Variants in ZMAT4 observed in about 807,000 individuals in gnomAD.
ZMAT4 encodes zinc finger matrin-type 4.
In ZMAT4, 17 loss-of-function variants were observed where a neutral mutation model predicts 28.7. The ratio of observed to expected loss-of-function variants is 0.59; its 90% CI spans 0.41 to 0.89. The LOEUF (loss-of-function observed/expected upper bound fraction) is 0.89, where lower values mean the gene tolerates loss of function less well. Ranked by LOEUF, ZMAT4 falls within the 40% of genes least tolerant of loss-of-function variation. The pLI is 0.00. For synonymous variants in ZMAT4, 117 were observed against 109.2 expected, an observed-to-expected ratio of 1.07 and a Z score of -0.44; for missense variants, 240 against 283.8, an observed-to-expected ratio of 0.85 and a Z score of 1.11.
chr8:40,792,967 A>C (rs1156681407), intron 2 of ZMAT4, among the ~76,000 whole-genome samples: 2 of 151,936 alleles, frequency 1.3e-5, no homozygotes, highest in Non-Finnish European at 2.9e-5. Flanking sequence ...GAATAGGCAG[A>C]GCACACAGGA....
At chr8:40,642,584 A>G (rs1041246068) in intron 5 of ZMAT4, among the ~76,000 whole-genome samples, 28 of 152,196 alleles carry the variant, frequency 1.8e-4, no homozygotes, top group African/African-American at 6.8e-4. Flanking sequence ...AACCTAATAC[A>G]CAGGTATGTT....
chr8:40,794,090 T>G (rs1051920558), intron 2 of ZMAT4, among the ~76,000 whole-genome samples: 1 of 148,126 alleles, frequency 6.8e-6, no homozygotes, highest in Non-Finnish European at 1.5e-5. Flanking sequence ...GCAATTTTTT[T>G]AATGTTTTTT....
chr8:40,764,282 C>T (rs867503790), intron 3 of ZMAT4, among the ~76,000 whole-genome samples: 12 of 151,964 alleles, frequency 7.9e-5, no homozygotes, highest in African/African-American at 1.9e-4. Context: ...ATGTAAGATC[C>T]GAGTAAGGAT....
At chr8:40,555,682 C>T (rs1030707891) in intron 6 of ZMAT4, among the ~76,000 whole-genome samples, 13 of 152,272 alleles carry the variant, frequency 8.5e-5, no homozygotes, top group East Asian at 3.9e-4. Flanking sequence ...TTTACGGTCT[C>T]TACTCCTCTT....
intron 6 of ZMAT4, among the ~76,000 whole-genome samples, chr8:40,570,261 A>G (rs1043480919): frequency 6.6e-6 from 1 of 152,122 alleles, no homozygotes; most frequent in African/African-American, 2.4e-5. Flanking sequence ...GTCCAAGAGA[A>G]CCTTTGGTGG....
chr8:40,594,952 C>T (rs1290571798), intron 5 of ZMAT4, among the ~76,000 whole-genome samples: 4 of 152,184 alleles, frequency 2.6e-5, no homozygotes, highest in African/African-American at 9.7e-5. Context: ...ATTACACGAA[C>T]ATCTTCTAAG....
At chr8:40,534,796 C>T (rs1802796086) in intron 6 of ZMAT4, among the ~76,000 whole-genome samples, 1 of 149,584 alleles carries the variant, frequency 6.7e-6, no homozygotes, top group Non-Finnish European at 1.5e-5. Flanking sequence ...AATTCTCCTG[C>T]TTCAGCCTCC....
At chr8:40,660,146 TG>T (rs1383057803) in intron 5 of ZMAT4, among the ~76,000 whole-genome samples, 2 of 152,324 alleles carry the variant, frequency 1.3e-5, no homozygotes, top group Admixed American at 1.3e-4. Context: ...TGCATATTTT[TG>T]TTTATTATTC....
At chr8:40,603,919 A>G (rs530747306) in intron 5 of ZMAT4, among the ~76,000 whole-genome samples, 29 of 152,268 alleles carry the variant, frequency 1.9e-4, no homozygotes, top group Middle Eastern at 6.8e-3. Flanking sequence ...TTTTCCTTGT[A>G]GATGTCTTTC....
intron 2 of ZMAT4, among the ~76,000 whole-genome samples, chr8:40,801,415 C>T (rs957225314): frequency 2.4e-4 from 36 of 148,838 alleles, no homozygotes; most frequent in African/African-American, 7.5e-4. Flanking sequence ...CGCCTGTAAT[C>T]CCAGCACTCT....
chr8:40,618,436 A>G (rs1173761836), intron 5 of ZMAT4, among the ~76,000 whole-genome samples: 1 of 152,192 alleles, frequency 6.6e-6, no homozygotes, highest in African/African-American at 2.4e-5. Context: ...GATATATTTC[A>G]TGGTTTCTAA....
At chr8:40,695,586 T>C (rs1809847214) in intron 4 of ZMAT4, among the ~76,000 whole-genome samples, 1 of 152,244 alleles carries the variant, frequency 6.6e-6, no homozygotes, top group African/African-American at 2.4e-5. Context: ...GACTAAGCCA[T>C]TAAGTAAAGG....
At chr8:40,603,376 C>A (rs1805463740) in intron 5 of ZMAT4, among the ~76,000 whole-genome samples, 1 of 152,052 alleles carries the variant, frequency 6.6e-6, no homozygotes, top group Admixed American at 6.5e-5. Flanking sequence ...CAGATTTGTT[C>A]TTTTTGCTTA....
At chr8:40,862,794 G>C (rs1422407185) in intron 1 of ZMAT4, among the ~76,000 whole-genome samples, 2 of 151,634 alleles carry the variant, frequency 1.3e-5, no homozygotes, top group Non-Finnish European at 2.9e-5. Flanking sequence ...ACACAGGAAG[G>C]GGAACATCAC....
intron 2 of ZMAT4, among the ~76,000 whole-genome samples, chr8:40,799,284 G>C (rs977649239): frequency 6.6e-6 from 1 of 152,180 alleles, no homozygotes; most frequent in Non-Finnish European, 1.5e-5. Flanking sequence ...TAGAGAGAAA[G>C]AGAGACAGAT....
intron 2 of ZMAT4, among the ~76,000 whole-genome samples, chr8:40,796,226 G>C (rs568257843): frequency 1.3e-5 from 2 of 152,318 alleles, no homozygotes; most frequent in South Asian, 2.1e-4. Flanking sequence ...CAGGCTCCAA[G>C]AGGCTCCCCA....
intron 3 of ZMAT4, among the ~76,000 whole-genome samples, chr8:40,705,234 A>G (rs1163994822): frequency 6.6e-6 from 1 of 152,192 alleles, no homozygotes; most frequent in Non-Finnish European, 1.5e-5. Context: ...CAAGACCCCA[A>G]AAGGGAGAAA....
At chr8:40,620,735 C>T (rs566467804) in intron 5 of ZMAT4, among the ~76,000 whole-genome samples, 1 of 152,268 alleles carries the variant, frequency 6.6e-6, no homozygotes, top group East Asian at 1.9e-4. Context: ...TAACAAATGG[C>T]CCTGGTAGGT....
intron 5 of ZMAT4, among the ~76,000 whole-genome samples, chr8:40,661,936 A>G (rs1247906615): frequency 6.6e-6 from 1 of 152,170 alleles, no homozygotes; most frequent in Admixed American, 6.6e-5. Flanking sequence ...AGCTTCTTCA[A>G]TGTAGACAAA....
Sources: allele counts gnomAD v4.1 joint callset (sites outside exome capture counted in the v4.1 genomes callset), GRCh38; gene constraint gnomAD v4.1.1; transcripts MANE v1.5; gene names NCBI Gene and HGNC (gene_info 2026-07-23, HGNC 2026-07-21).